Variants in CTNND2 observed in about 807,000 individuals in gnomAD.
The protein encoded by CTNND2 is catenin delta-2.
Under a neutral mutation model 144.4 loss-of-function variants are expected in CTNND2, and 22 were observed. The observed-to-expected ratio is 0.15, with a 90% CI of 0.11 to 0.22. CTNND2 has a LOEUF of 0.22. Among genes scored for constraint, CTNND2 ranks in the 10% least tolerant of loss-of-function variants. CTNND2 has a pLI of 1.00. For missense variants in CTNND2, 1,353 were observed against 1,618.8 expected, an observed-to-expected ratio of 0.84 and a Z score of 2.82; for synonymous variants, 751 against 695.6, an observed-to-expected ratio of 1.08 and a Z score of -1.25.
At chr5:11,186,947 C>T (rs548991096) in intron 11 of CTNND2, among the ~76,000 whole-genome samples, 10 of 152,202 alleles carry the variant, frequency 6.6e-5, no homozygotes, top group South Asian at 2.1e-4. Flanking sequence ...ATAGACTGGA[C>T]GGTACGTAGC....
chr5:11,105,124 C>T (rs992503164), intron 14 of CTNND2, among the ~76,000 whole-genome samples: 34 of 152,342 alleles, frequency 2.2e-4, no homozygotes, highest in Admixed American at 2.2e-3. Context: ...ATGGAACCAA[C>T]TGGGGCATCA....
chr5:11,244,336 G>A (rs1274470622), intron 9 of CTNND2, among the ~76,000 whole-genome samples: 1 of 139,004 alleles, frequency 7.2e-6, no homozygotes, highest in Non-Finnish European at 1.5e-5. Flanking sequence ...CCAGGCTGGA[G>A]TGCAGTGGCG....
chr5:11,762,138 C>A (rs145191136), intron 1 of CTNND2, among the ~76,000 whole-genome samples: 67 of 152,210 alleles, frequency 4.4e-4, no homozygotes, highest in African/African-American at 1.6e-3. Context: ...GTTGTCAATT[C>A]TAGAGTCCCC....
chr5:11,629,955 A>C (rs1781336204), intron 2 of CTNND2, among the ~76,000 whole-genome samples: 1 of 152,184 alleles, frequency 6.6e-6, no homozygotes, highest in South Asian at 2.1e-4. Flanking sequence ...CTCATTTTAT[A>C]GGGGAAAAAA....
intron 10 of CTNND2, among the ~76,000 whole-genome samples, chr5:11,229,120 A>G (rs911303471): frequency 6.6e-6 from 1 of 152,200 alleles, no homozygotes; most frequent in African/African-American, 2.4e-5. Context: ...TTACATCTTT[A>G]TCAGTGCTGG....
chr5:11,730,111 A>T (rs1787290010), intron 2 of CTNND2, among the ~76,000 whole-genome samples: 1 of 151,888 alleles, frequency 6.6e-6, no homozygotes, highest in Admixed American at 6.6e-5. Context: ...CTCTTGGACT[A>T]TTTTTCTTTG....
chr5:11,628,576 A>G (rs1781268390), intron 2 of CTNND2, among the ~76,000 whole-genome samples: 1 of 152,158 alleles, frequency 6.6e-6, no homozygotes. Flanking sequence ...TTCCAACCTC[A>G]GCTATAAGCA....
chr5:11,266,723 C>T (rs923308739), intron 9 of CTNND2, among the ~76,000 whole-genome samples: 1 of 152,198 alleles, frequency 6.6e-6, no homozygotes, highest in African/African-American at 2.4e-5. Flanking sequence ...TCTTTCTAGT[C>T]TATAATTACA....
At chr5:11,671,843 T>TGGA (rs1783889100) in intron 2 of CTNND2, among the ~76,000 whole-genome samples, 2 of 152,212 alleles carry the variant, frequency 1.3e-5, no homozygotes, top group East Asian at 1.9e-4. Context: ...TGTGATCCTT[T>TGGA]GGAGGAAAAG....
chr5:11,272,048 TCC>T (rs1746079634), intron 9 of CTNND2, among the ~76,000 whole-genome samples: 1 of 152,192 alleles, frequency 6.6e-6, no homozygotes, highest in South Asian at 2.1e-4. Flanking sequence ...TAAAAATATT[TCC>T]TTTTACAAGT....
chr5:11,750,855 A>G (rs2126785059), intron 1 of CTNND2, among the ~76,000 whole-genome samples: 1 of 151,994 alleles, frequency 6.6e-6, no homozygotes, highest in Non-Finnish European at 1.5e-5. Flanking sequence ...ATTATCTTAT[A>G]CACCAAGATG....
At chr5:11,288,107 G>A (rs1747937827) in intron 9 of CTNND2, among the ~76,000 whole-genome samples, 1 of 152,136 alleles carries the variant, frequency 6.6e-6, no homozygotes, top group Non-Finnish European at 1.5e-5. Context: ...ACTACTGTAG[G>A]CAGATGCATT....
chr5:11,163,253 G>A (rs1237092576), intron 11 of CTNND2, among the ~76,000 whole-genome samples: 2 of 152,180 alleles, frequency 1.3e-5, no homozygotes, highest in Non-Finnish European at 2.9e-5. Context: ...ATTGTTATTT[G>A]AGGGGAAGCC....
intron 11 of CTNND2, among the ~76,000 whole-genome samples, chr5:11,177,530 A>C (rs1194976349): frequency 6.6e-6 from 1 of 152,072 alleles, no homozygotes; most frequent in Non-Finnish European, 1.5e-5. Context: ...AAAATTAATC[A>C]AAATATATGT....
At chr5:11,747,538 G>A (rs1262428615) in intron 1 of CTNND2, among the ~76,000 whole-genome samples, 1 of 152,194 alleles carries the variant, frequency 6.6e-6, no homozygotes, top group Admixed American at 6.5e-5. Flanking sequence ...TGTAGACTTC[G>A]AATCCATCTC....
At chr5:11,017,583 CATATATATATATATCTTTCCAT>C (rs60917938) in intron 18 of CTNND2, among the ~76,000 whole-genome samples, 54,683 of 135,300 alleles carry the variant, frequency 0.4, 12,415 homozygotes, top group African/African-American at 0.65. Flanking sequence ...TATATCTTTC[CATATATATATATATCTTTCCAT>C]ATATATATAT....
At chr5:11,723,151 T>G (rs1048563717) in intron 2 of CTNND2, among the ~76,000 whole-genome samples, 1 of 152,092 alleles carries the variant, frequency 6.6e-6, no homozygotes, top group South Asian at 2.1e-4. Context: ...CAAAAATAAT[T>G]AAGTGTATTT....
intron 2 of CTNND2, among the ~76,000 whole-genome samples, chr5:11,680,609 G>A (rs891929053): frequency 1.1e-4 from 17 of 152,108 alleles, no homozygotes; most frequent in Admixed American, 5.2e-4. Flanking sequence ...TGTGCATTAC[G>A]TGCACTTAAA....
At chr5:11,902,880 T>C (rs1385287829) in intron 1 of CTNND2, among the ~76,000 whole-genome samples, 4 of 152,050 alleles carry the variant, frequency 2.6e-5, no homozygotes, top group Non-Finnish European at 5.9e-5. Context: ...AATACAACTT[T>C]GGGCATTTTG....
Sources: gnomAD v4.1 joint callset for allele counts (sites outside exome capture counted in the v4.1 genomes callset) on GRCh38, gnomAD v4.1.1 for gene constraint, MANE v1.5 for transcripts, NCBI Gene and HGNC (gene_info 2026-07-23, HGNC 2026-07-21) for gene names.